Variants in DNAH9 observed in about 807,000 individuals in gnomAD.
DNAH9 encodes DNAH9 variant protein.
In DNAH9, 345 loss-of-function variants were observed where a neutral mutation model predicts 471.6. That is an observed-to-expected ratio of 0.73 (90% CI 0.67 to 0.80). DNAH9 has a LOEUF of 0.80. Among genes scored for constraint, DNAH9 ranks in the 30% least tolerant of loss-of-function variants. The pLI, the probability that DNAH9 is intolerant of heterozygous loss-of-function variation, is 0.00. For missense variants in DNAH9, 5,407 were observed against 5,609.2 expected, an observed-to-expected ratio of 0.96 and a Z score of 1.15; for synonymous variants, 2,093 against 2,123.6, an observed-to-expected ratio of 0.99 and a Z score of 0.40.
intron 20 of DNAH9, among the ~76,000 whole-genome samples, chr17:11,691,735 ATTTTT>A (rs1360074245): frequency 6.6e-6 from 1 of 152,082 alleles, no homozygotes; most frequent in Non-Finnish European, 1.5e-5. Context: ...ATACTTTTTT[ATTTTT>A]AATTGGAGCA....
chr17:11,659,088 A>C (rs1002413581), intron 14 of DNAH9, among the ~76,000 whole-genome samples: 1 of 152,162 alleles, frequency 6.6e-6, no homozygotes, highest in Admixed American at 6.5e-5. Context: ...TATGTGATAG[A>C]ATTCACCAGG....
chr17:11,810,288 C>G lies in DNAH9; in HGVS notation c.8626C>G (p.Leu2876Val). 1 of 1,613,770 alleles carries G rather than the reference C, an allele frequency of 6.2e-7. No homozygotes were observed. The highest frequency in any genetic ancestry group is 8.5e-7 in the Non-Finnish European group (1 of 1,179,852). Residue 2876 changes from leucine (L) to valine (V), a missense_variant, in exon 45 of 69, where the codon CTC becomes GTC. Transcript: ENST00000262442. ...GTGTCTGAAAGCTGGAGTGAAGAAT[C>G]TCAACACAGTGTTTCTCATGACTGA... Reference protein sequence around the residue: ...SLCLKAGVKNLNTVFLMTDAQ... With the variant: ...SLCLKAGVKNVNTVFLMTDAQ...
rs141341701 is a variant in DNAH9 at position 11,962,677 on chromosome 17, TCTG to T, written c.13233+434_13233+436del. Reference sequence around the variant, plus strand: ...TCAAAAAATGTTGGAGTCAGCTATCTCTGCTGCTGCTGCTGTGTGTCTGTCGCC... The same window carrying T: ...TCAAAAAATGTTGGAGTCAGCTATCTCTGCTGCTGCTGTGTGTCTGTCGCC... On this transcript the variant is annotated intron_variant, in intron 68 of 68. Transcript: ENST00000262442. The surrounding 1 kb of genome is among the most constrained non-coding windows in gnomAD (Gnocchi z 4.1). Among the ~76,000 whole-genome samples the T allele has an allele frequency of 7.6e-3, 1,161 of 152,204 alleles. 10 individuals are homozygous for T. The highest frequency in any genetic ancestry group is 0.043 in the East Asian group (220 of 5,168).
intron 22 of DNAH9, among the ~76,000 whole-genome samples, chr17:11,698,327 AAT>A (rs1255736140): frequency 7.1e-5 from 10 of 140,464 alleles, no homozygotes; most frequent in African/African-American, 2.7e-4. Context: ...ATAATATATT[AAT>A]ATTCTATATT....
In DNAH9 at chr17:11,854,203, C is replaced by T; in HGVS notation, c.9708C>T (p.Asn3236=). The T allele has an allele frequency of 1.2e-6, 2 of 1,614,198 alleles. No homozygotes were observed. The highest frequency in any genetic ancestry group is 1.7e-6 in the Non-Finnish European group (2 of 1,180,048). ...INFNKENIHE[N]CLKAIRPYLQ... ...TCAACAAAGAGAACATTCACGAGAA[C>T]TGCCTCAAAGCCATCAGGCCGTATC... Residue 3236 remains asparagine, a synonymous_variant, in exon 50 of 69, where the codon AAC becomes AAT. Coordinates refer to ENST00000262442, the MANE Select transcript of DNAH9 (RefSeq NM_001372.4).
intron 27 of DNAH9, among the ~76,000 whole-genome samples, chr17:11,726,393 C>T (rs2075152114): frequency 6.6e-6 from 1 of 152,144 alleles, no homozygotes; most frequent in Non-Finnish European, 1.5e-5. Flanking sequence ...AACGCTAATA[C>T]AAATTGTAAG....
intron 26 of DNAH9, among the ~76,000 whole-genome samples, chr17:11,714,568 C>A (rs186942590): frequency 6.6e-6 from 1 of 152,208 alleles, no homozygotes; most frequent in East Asian, 1.9e-4. Context: ...ATAGTCTCTT[C>A]CCTTTTGAGT....
At chr17:11,939,561 G>A (rs1974829356) in intron 66 of DNAH9, among the ~76,000 whole-genome samples, 1 of 152,174 alleles carries the variant, frequency 6.6e-6, no homozygotes. Context: ...TAGCTCACAT[G>A]TTCCTATGAG....
rs1218768100 is a variant in DNAH9, at chr17:11,894,404, G to A, written c.11314G>A (p.Val3772Met). The change falls in exon 59 of 69, where the codon GTG becomes ATG. Residue 3772 changes from valine to methionine, a missense_variant. Physicochemically the swap from Val to Met is conservative, Grantham distance 21. Coordinates refer to ENST00000262442, the MANE Select transcript of DNAH9 (RefSeq NM_001372.4). ...ILLMNREVNA[V>M]ELDFLLRSPV... is the part of the protein sequence containing the mutation. ...CCTCATGAACCGAGAAGTCAATGCA[G>A]TGGAGTTGGATTTCCTGCTTCGATC... is the stretch of plus-strand genomic sequence containing the variant. 6.2e-7 allele frequency: 1 copy of A among 1,614,204 alleles called. No individual in the cohort carries two copies. The highest frequency in any genetic ancestry group is 1.1e-5 in the South Asian group (1 of 91,090).
chr17:11,624,527 A>C (rs1239905894), intron 6 of DNAH9, among the ~76,000 whole-genome samples: 3 of 152,118 alleles, frequency 2.0e-5, no homozygotes, highest in Non-Finnish European at 4.4e-5. Flanking sequence ...AAGAAAAGAA[A>C]AGAACTGGGT....
At position 11,932,844 on chromosome 17, in the gene DNAH9, G is replaced by T. The variant is rs1483003246; in HGVS notation, c.12297+639G>T. Among the ~76,000 whole-genome samples the T allele has an allele frequency of 6.6e-6, 1 of 152,114 alleles. No homozygotes were observed. Among genetic ancestry groups the T allele is most frequent in the Non-Finnish European group, 1.5e-5 (1 of 68,030 alleles). On this transcript the variant is annotated intron_variant, in intron 64 of 68. Transcript: ENST00000262442. The surrounding 1 kb of genome is among the most constrained non-coding windows in gnomAD (Gnocchi z 4.3). ...GCAGGTAGACTGTGATCAGCAGGAA[G>T]AGACTTCACACTCGCCTGATATAAG...
At chr17:11,710,112 GA>G (rs1165891119) in intron 26 of DNAH9, among the ~76,000 whole-genome samples, 4 of 152,084 alleles carry the variant, frequency 2.6e-5, no homozygotes, top group African/African-American at 9.7e-5. Flanking sequence ...GTAGAATGTT[GA>G]AAACTGAAAC....
chr17:11,709,330 T>C (rs1482600874), intron 26 of DNAH9, among the ~76,000 whole-genome samples: 2 of 152,232 alleles, frequency 1.3e-5, no homozygotes, highest in Non-Finnish European at 2.9e-5. Flanking sequence ...AGTATGTAGC[T>C]GAATACTTAT....
intron 61 of DNAH9, among the ~76,000 whole-genome samples, chr17:11,912,703 T>C (rs1299630297): frequency 6.6e-6 from 1 of 152,218 alleles, no homozygotes; most frequent in African/African-American, 2.4e-5. Flanking sequence ...ATTACTGGAC[T>C]CAATTTGCTA....
At chr17:11,672,996 A>T (rs1280694811) in intron 17 of DNAH9, among the ~76,000 whole-genome samples, 1 of 151,818 alleles carries the variant, frequency 6.6e-6, no homozygotes, top group Non-Finnish European at 1.5e-5. Flanking sequence ...GTTCCCTCCC[A>T]TTCCCTCCCA....
At chr17:11,600,660 T>G (rs2072365809) in intron 1 of DNAH9, among the ~76,000 whole-genome samples, 1 of 152,150 alleles carries the variant, frequency 6.6e-6, no homozygotes, top group African/African-American at 2.4e-5. Context: ...GAATATTCCT[T>G]TTTTTGAGGC....
chr17:11,889,550 T>C (rs1779198055), intron 57 of DNAH9, among the ~76,000 whole-genome samples: 1 of 152,230 alleles, frequency 6.6e-6, no homozygotes. Context: ...TATTCGGTAT[T>C]AAACACCTGG....
At chr17:11,830,382 C>T (rs555003396) in intron 48 of DNAH9, among the ~76,000 whole-genome samples, 1 of 152,218 alleles carries the variant, frequency 6.6e-6, no homozygotes, top group Admixed American at 6.5e-5. Flanking sequence ...TTGCCAATTG[C>T]CTGCATATAG....
In DNAH9 at chr17:11,727,713, TA is replaced by T. The variant is rs1343760009; in HGVS notation, c.5710-104del. The T allele has an allele frequency of 2.0e-5, 15 of 736,086 alleles. No homozygotes were observed. The Middle Eastern group carries it at 9.4e-4, about 46-fold the overall frequency. 45.6% of individuals were successfully genotyped at this position (736,086 alleles called of 1,614,324 possible). A position where few individuals can be genotyped will look rare whatever the true frequency, so the allele number is the denominator to read the frequency against. ...ATACAAGTTTCTGACCAGTGGTCTT[TA>T]GGGGGACTAGAAGTATCTATAATAA... On this transcript the variant is annotated intron_variant, in intron 27 of 68. Transcript: ENST00000262442.
Sources: gnomAD v4.1 joint callset for allele counts (sites outside exome capture counted in the v4.1 genomes callset) on GRCh38, gnomAD v4.1.1 for gene constraint, Gnocchi (gnomAD v3.1) non-coding constraint, MANE v1.5 for transcripts, NCBI Gene and HGNC (gene_info 2026-07-23, HGNC 2026-07-21) for gene names.